FMNL2: variants seen among roughly 807,000 people sequenced by gnomAD.
FMNL2 encodes formin like 2.
A neutral mutation model predicts 130.2 loss-of-function variants in FMNL2; 51 were observed. The ratio of observed to expected loss-of-function variants is 0.39; its 90% CI spans 0.31 to 0.49. The LOEUF (loss-of-function observed/expected upper bound fraction) is 0.49. FMNL2 is among the 20% of genes least tolerant of loss of function. The pLI, the probability that FMNL2 is intolerant of heterozygous loss-of-function variation, is 0.85. For missense variants in FMNL2, 977 were observed against 1,316.2 expected (o/e 0.74, Z 3.99); for synonymous variants, 465 against 467.1 (o/e 1.00, Z 0.06).
chr2:152,624,047 TC>T (rs1681568910), intron 15 of FMNL2, among the ~76,000 whole-genome samples: 1 of 4,718 alleles, frequency 2.1e-4, no homozygotes, highest in Non-Finnish European at 3.9e-4. Context: ...TTCCCTTCCC[TC>T]CCCTCCCCTC....
intron 2 of FMNL2, among the ~76,000 whole-genome samples, chr2:152,541,839 A>G (rs1694325905): frequency 6.6e-6 from 1 of 151,898 alleles, no homozygotes; most frequent in African/African-American, 2.4e-5. Context: ...TTTCATTGTA[A>G]TCTAGTATAC....
intron 1 of FMNL2, among the ~76,000 whole-genome samples, chr2:152,403,887 G>C (rs779173939): frequency 6.6e-5 from 10 of 152,172 alleles, no homozygotes; most frequent in Admixed American, 2.0e-4. Flanking sequence ...GGCCAACATG[G>C]TGAAACCCCC....
chr2:152,487,490 C>T (rs1690894835), intron 1 of FMNL2, among the ~76,000 whole-genome samples: 1 of 152,124 alleles, frequency 6.6e-6, no homozygotes, highest in Admixed American at 6.5e-5. Flanking sequence ...CATTATCTAT[C>T]AATGATATCG....
At position 152,606,005 on chromosome 2, in the gene FMNL2, A is replaced by T. The variant is rs536795263; in HGVS notation, c.877-1334A>T. Among the ~76,000 whole-genome samples, 11 of 152,344 alleles carry T rather than the reference A, an allele frequency of 7.2e-5. 1 individual carries two copies. The South Asian group carries it at 2.3e-3, about 32-fold the overall frequency. Reference sequence around the variant, plus strand: ...TGCAATTTAACAAATACGATTGGGAACTTACAATGTACTAAGCATTGATGT... The same window carrying T: ...TGCAATTTAACAAATACGATTGGGATCTTACAATGTACTAAGCATTGATGT... On this transcript the variant is annotated intron_variant, in intron 9 of 25. Transcript: ENST00000288670.
chr2:152,529,705 T>G (rs1693586777), intron 2 of FMNL2, among the ~76,000 whole-genome samples: 1 of 152,198 alleles, frequency 6.6e-6, no homozygotes, highest in Admixed American at 6.5e-5. Flanking sequence ...AGGTTTCCTT[T>G]GGCCTATAGC....
At chr2:152,600,815 C>T (rs138594230) in intron 9 of FMNL2, among the ~76,000 whole-genome samples, 3 of 152,018 alleles carry the variant, frequency 2.0e-5, no homozygotes, top group South Asian at 2.1e-4. Flanking sequence ...GAGTGGCCCA[C>T]GTTATCTGTG....
intron 1 of FMNL2, among the ~76,000 whole-genome samples, chr2:152,415,692 G>T (rs1024316695): frequency 1.3e-5 from 2 of 152,170 alleles, no homozygotes; most frequent in Admixed American, 1.3e-4. Flanking sequence ...TATTAAGTTT[G>T]TTCCAAATAA....
At chr2:152,623,239 T>C (rs898675249) in intron 15 of FMNL2, among the ~76,000 whole-genome samples, 1 of 152,178 alleles carries the variant, frequency 6.6e-6, no homozygotes, top group Non-Finnish European at 1.5e-5. Flanking sequence ...ATGAAAAGAC[T>C]CCTCTGCGGC....
chr2:152,617,653 A>T (rs1471636121), intron 13 of FMNL2, among the ~76,000 whole-genome samples: 3 of 148,802 alleles, frequency 2.0e-5, no homozygotes, highest in Non-Finnish European at 4.5e-5. Flanking sequence ...GCATTCACCA[A>T]AAAAAGGGAG....
intron 1 of FMNL2, among the ~76,000 whole-genome samples, chr2:152,378,772 G>A (rs979058483): frequency 3.9e-5 from 6 of 152,094 alleles, no homozygotes; most frequent in African/African-American, 1.4e-4. Context: ...GAAATGCTGT[G>A]TAGACAGCTC....
At chr2:152,594,755 G>A (rs1421468238) in intron 9 of FMNL2, among the ~76,000 whole-genome samples, 1 of 152,196 alleles carries the variant, frequency 6.6e-6, no homozygotes, top group Non-Finnish European at 1.5e-5. Context: ...CAGCTCAACA[G>A]CCATTCTTTA....
At chr2:152,514,764 C>G (rs190924372) in intron 1 of FMNL2, among the ~76,000 whole-genome samples, 62 of 152,316 alleles carry the variant, frequency 4.1e-4, no homozygotes, top group African/African-American at 1.3e-3. Context: ...TGTTCTCTCT[C>G]TCTCTCACAA....
chr2:152,613,724 G>A (rs1698804632), intron 11 of FMNL2, among the ~76,000 whole-genome samples: 1 of 152,138 alleles, frequency 6.6e-6, no homozygotes, highest in Non-Finnish European at 1.5e-5. Context: ...TGCTTCACTA[G>A]TTTACAAAAA....
intron 1 of FMNL2, among the ~76,000 whole-genome samples, chr2:152,483,696 C>G (rs1330144083): frequency 6.6e-6 from 1 of 152,214 alleles, no homozygotes; most frequent in Non-Finnish European, 1.5e-5. Context: ...ATTACTGTGT[C>G]CACGCTCTCC....
intron 1 of FMNL2, among the ~76,000 whole-genome samples, chr2:152,446,928 A>G (rs1688374006): frequency 6.6e-6 from 1 of 152,160 alleles, no homozygotes; most frequent in Non-Finnish European, 1.5e-5. Context: ...ATAAAGAGGC[A>G]GGAAGGAGGG....
intron 1 of FMNL2, among the ~76,000 whole-genome samples, chr2:152,426,958 T>C (rs1687230982): frequency 6.6e-6 from 1 of 152,228 alleles, no homozygotes; most frequent in Non-Finnish European, 1.5e-5. Flanking sequence ...GCCCATACTC[T>C]TCCTGCCATG....
intron 9 of FMNL2, among the ~76,000 whole-genome samples, chr2:152,603,606 G>T (rs1698207061): frequency 6.6e-6 from 1 of 150,628 alleles, no homozygotes; most frequent in Non-Finnish European, 1.5e-5. Context: ...AGTGTTGCTT[G>T]TTCTATATTT....
At chr2:152,620,913 G>T (rs1699217283) in intron 15 of FMNL2, 2 of 984,734 alleles carry the variant, frequency 2.0e-6, no homozygotes, top group East Asian at 1.1e-4. Context: ...GTAAATCGGT[G>T]ACTTATTTCT....
intron 8 of FMNL2, among the ~76,000 whole-genome samples, 169 bp from the exon 9 acceptor site, chr2:152,580,787 A>C (rs1307702991): frequency 1.3e-5 from 2 of 152,228 alleles, no homozygotes; most frequent in Admixed American, 1.3e-4. Context: ...TCACATATGT[A>C]GTAGTCAGTA....
Sources: gnomAD v4.1 joint callset for allele counts (sites outside exome capture counted in the v4.1 genomes callset) on GRCh38, gnomAD v4.1.1 for gene constraint, MANE v1.5 for transcripts, NCBI Gene and HGNC (gene_info 2026-07-23, HGNC 2026-07-21) for gene names.